Variants in PDGFC observed in about 807,000 individuals in gnomAD.
The protein encoded by PDGFC is platelet derived growth factor C, also known as platelet-derived growth factor C.
In PDGFC, 12 loss-of-function variants were observed where a neutral mutation model predicts 35.5. The observed-to-expected ratio is 0.34, with a 90% CI of 0.22 to 0.55. The LOEUF is 0.55. Ranked by LOEUF, PDGFC falls within the 20% of genes least tolerant of loss-of-function variation. PDGFC has a pLI of 0.91. For synonymous variants in PDGFC, 159 were observed against 148.8 expected (o/e 1.07, Z -0.50); for missense variants, 322 against 412.4 (o/e 0.78, Z 1.90).
At chr4:156,965,363 C>T (rs1288882942) in intron 1 of PDGFC, among the ~76,000 whole-genome samples, 6 of 152,120 alleles carry the variant, frequency 3.9e-5, no homozygotes, top group East Asian at 3.9e-4. Context: ...ACAAGGTCCA[C>T]GCTCTCAACA....
At chr4:156,768,941 G>T (rs1426863722) in intron 4 of PDGFC, among the ~76,000 whole-genome samples, 1 of 151,840 alleles carries the variant, frequency 6.6e-6, no homozygotes, top group Non-Finnish European at 1.5e-5. Context: ...CATATCACAT[G>T]AATAGTAGGT....
chr4:156,839,314 G>T (rs1157053533), intron 2 of PDGFC, among the ~76,000 whole-genome samples: 2 of 152,166 alleles, frequency 1.3e-5, no homozygotes, highest in African/African-American at 4.8e-5. Flanking sequence ...TGCTGTTCTT[G>T]TGATAGTGAG....
intron 1 of PDGFC, among the ~76,000 whole-genome samples, chr4:156,949,545 G>T (rs1201469398): frequency 1.3e-5 from 2 of 151,836 alleles, no homozygotes; most frequent in East Asian, 3.9e-4. Flanking sequence ...GAAGGGTTAA[G>T]AGGTTACACA....
intron 1 of PDGFC, among the ~76,000 whole-genome samples, chr4:156,937,836 T>C (rs534123288): frequency 6.6e-6 from 1 of 152,282 alleles, no homozygotes; most frequent in Non-Finnish European, 1.5e-5. Context: ...AAGGCAAATG[T>C]ATTTCAGTAG....
intron 1 of PDGFC, chr4:156,861,610 C>T: frequency 3.0e-6 from 1 of 336,450 alleles, no homozygotes; most frequent in Non-Finnish European, 6.0e-6. Flanking sequence ...ATTGGAAAGA[C>T]ACATAAGCTT....
chr4:156,834,725 C>A (rs910109974), intron 2 of PDGFC, among the ~76,000 whole-genome samples: 1 of 152,082 alleles, frequency 6.6e-6, no homozygotes, highest in African/African-American at 2.4e-5. Context: ...TTTCAAAGTT[C>A]TTGAAACAGC....
At chr4:156,853,464 T>A (rs1296506588) in intron 1 of PDGFC, among the ~76,000 whole-genome samples, 1 of 152,134 alleles carries the variant, frequency 6.6e-6, no homozygotes, top group Non-Finnish European at 1.5e-5. Context: ...GTGCTAAAAT[T>A]TTTCCTCAGC....
chr4:156,803,384 C>T (rs1176622974), intron 3 of PDGFC, among the ~76,000 whole-genome samples: 1 of 151,996 alleles, frequency 6.6e-6, no homozygotes, highest in Non-Finnish European at 1.5e-5. Context: ...CCATAATGTA[C>T]ACAATGAATT....
At chr4:156,863,202 T>C (rs769072098) in intron 1 of PDGFC, among the ~76,000 whole-genome samples, 1 of 152,208 alleles carries the variant, frequency 6.6e-6, no homozygotes, top group Admixed American at 6.5e-5. Context: ...AAGAGAGTGA[T>C]GTTATTAATT....
At chr4:156,845,505 G>A (rs1183950976) in intron 2 of PDGFC, among the ~76,000 whole-genome samples, 2 of 151,606 alleles carry the variant, frequency 1.3e-5, no homozygotes, top group Non-Finnish European at 3.0e-5. Context: ...AATTCTGTCG[G>A]AGCTCAGCAC....
chr4:156,806,518 G>T (rs1039217646), intron 3 of PDGFC, among the ~76,000 whole-genome samples: 1 of 151,632 alleles, frequency 6.6e-6, no homozygotes, highest in Non-Finnish European at 1.5e-5. Context: ...GGGAGAATAA[G>T]AAAATCTTCA....
At chr4:156,966,501 C>T (rs145078425) in intron 1 of PDGFC, among the ~76,000 whole-genome samples, 263 of 150,622 alleles carry the variant, frequency 1.7e-3, no homozygotes, top group African/African-American at 6.1e-3. Flanking sequence ...ATTACTTATT[C>T]AACATATCAC....
At chr4:156,898,565 C>T (rs1730689565) in intron 1 of PDGFC, among the ~76,000 whole-genome samples, 1 of 152,184 alleles carries the variant, frequency 6.6e-6, no homozygotes, top group African/African-American at 2.4e-5. Flanking sequence ...CATTTTTGTT[C>T]CAGAGGAAGA....
At chr4:156,784,401 T>C (rs1398909804) in intron 3 of PDGFC, among the ~76,000 whole-genome samples, 1 of 151,990 alleles carries the variant, frequency 6.6e-6, no homozygotes, top group Non-Finnish European at 1.5e-5. Flanking sequence ...ATCAAAGTAA[T>C]GGAAAGATCA....
chr4:156,932,366 T>G (rs2110880071), intron 1 of PDGFC, among the ~76,000 whole-genome samples: 1 of 152,174 alleles, frequency 6.6e-6, no homozygotes, highest in South Asian at 2.1e-4. Context: ...GAACTAGAAA[T>G]ACCATTTGAC....
chr4:156,956,222 G>A (rs1244754259), intron 1 of PDGFC, among the ~76,000 whole-genome samples: 1 of 152,022 alleles, frequency 6.6e-6, no homozygotes, highest in Non-Finnish European at 1.5e-5. Flanking sequence ...TCTCTGGGGT[G>A]AGCAGAGGTC....
Position 156,762,675 on chromosome 4 carries a change from T to G in PDGFC, c.*415A>C, listed in dbSNP as rs1167800655. On this transcript the variant is annotated 3_prime_UTR_variant, in exon 6 of 6. Transcript: ENST00000502773. The stretch of plus-strand genomic sequence containing the variant: ...TTTATACGATTTTAGGCCCAGGACA[T>G]GGAGCTTTAGAGTTAAGCAAGGCAA... 1 of 151,856 alleles carries G rather than the reference T, an allele frequency of 6.6e-6. No homozygotes were observed. The highest frequency in any genetic ancestry group is 2.1e-4 in the South Asian group (1 of 4,780). 9.4% of individuals were successfully genotyped at this position (151,856 alleles called of 1,614,324 possible).
intron 1 of PDGFC, among the ~76,000 whole-genome samples, chr4:156,858,313 G>A (rs920304817): frequency 6.6e-5 from 10 of 152,000 alleles, no homozygotes; most frequent in Admixed American, 2.0e-4. Context: ...GGGATATGAC[G>A]TTTTAAAATG....
intron 3 of PDGFC, among the ~76,000 whole-genome samples, chr4:156,774,077 G>A (rs1560805699): frequency 2.0e-5 from 3 of 152,024 alleles, no homozygotes; most frequent in African/African-American, 7.2e-5. Context: ...TACTAAATAA[G>A]ATATTACTGA....
Sources: allele counts gnomAD v4.1 joint callset (sites outside exome capture counted in the v4.1 genomes callset), GRCh38; gene constraint gnomAD v4.1.1; transcripts MANE v1.5; gene names NCBI Gene and HGNC (gene_info 2026-07-23, HGNC 2026-07-21).